NRXN1: variants seen among roughly 807,000 people sequenced by gnomAD.
The protein encoded by NRXN1 is neurexin 1.
Under a neutral mutation model 150.9 loss-of-function variants are expected in NRXN1, and 39 were observed. That is an observed-to-expected ratio of 0.26 (90% CI 0.20 to 0.34). The LOEUF (loss-of-function observed/expected upper bound fraction) is 0.34, where lower values mean the gene tolerates loss of function less well. Among genes scored for constraint, NRXN1 ranks in the 10% least tolerant of loss-of-function variants. The pLI, the probability that NRXN1 is intolerant of heterozygous loss-of-function variation, is 1.00. For missense variants in NRXN1, 1,815 were observed against 1,949.9 expected, an observed-to-expected ratio of 0.93 and a Z score of 1.30; for synonymous variants, 924 against 757.0, an observed-to-expected ratio of 1.22 and a Z score of -3.62.
chr2:50,344,154 T>C (rs935456437), intron 17 of NRXN1, among the ~76,000 whole-genome samples: 1 of 152,184 alleles, frequency 6.6e-6, no homozygotes, highest in Non-Finnish European at 1.5e-5. Context: ...ATTAGGTTTC[T>C]CTTTAAGCCA....
chr2:50,078,896 A>G (rs1241108310), intron 19 of NRXN1, among the ~76,000 whole-genome samples: 1 of 152,104 alleles, frequency 6.6e-6, no homozygotes, highest in African/African-American at 2.4e-5. Context: ...TTTTTAGACT[A>G]CATAAATTAC....
chr2:50,696,175 C>CGT (rs200473527), intron 5 of NRXN1: 4,463 of 146,456 alleles, frequency 0.03, 165 homozygotes, highest in African/African-American at 0.091. Flanking sequence ...AGTACATATA[C>CGT]GTGTGTGTGT....
chr2:50,767,723 T>C (rs1405144011), intron 5 of NRXN1, among the ~76,000 whole-genome samples: 1 of 152,130 alleles, frequency 6.6e-6, no homozygotes, highest in Non-Finnish European at 1.5e-5. Context: ...TTTCCACATG[T>C]TGAGTTTGTT....
At chr2:50,542,347 G>T in intron 9 of NRXN1, among the ~76,000 whole-genome samples, 1 of 151,968 alleles carries the variant, frequency 6.6e-6, no homozygotes, top group Admixed American at 6.6e-5. Flanking sequence ...GAAAGAAAAA[G>T]GGATATAATC....
chr2:50,155,561 G>C (rs1404367942), intron 18 of NRXN1, among the ~76,000 whole-genome samples: 2 of 151,522 alleles, frequency 1.3e-5, no homozygotes, highest in African/African-American at 4.8e-5. Context: ...AATTTGGTAA[G>C]ATCCTTCTCT....
chr2:50,570,801 A>G (rs1670556067), intron 8 of NRXN1, among the ~76,000 whole-genome samples: 1 of 152,184 alleles, frequency 6.6e-6, no homozygotes, highest in South Asian at 2.1e-4. Flanking sequence ...TAAAGACTCA[A>G]AGTGCTGCTA....
In NRXN1 at chr2:51,027,704, G is replaced by A. The variant is rs564945882; in HGVS notation, c.570C>T (p.Asn190=). 9.3e-6 allele frequency: 15 copies of A among 1,608,098 alleles called. No individual in the cohort carries two copies. Among genetic ancestry groups the A allele is most frequent in the African/African-American group, 2.7e-5 (2 of 74,872 alleles). Residue 190 remains asparagine (N), a synonymous_variant, in exon 2 of 23, where the codon AAC becomes AAT. Transcript: ENST00000401669. ...FKGWIRDVRV[N]SSQVLPVDSG... ...TGTCCACGGGCAGGACCTGCGAGGA[G>A]TTGACCCTCACGTCACGAATCCACC...
chr2:50,127,716 T>C (rs1043220289), intron 18 of NRXN1, among the ~76,000 whole-genome samples: 4 of 152,178 alleles, frequency 2.6e-5, no homozygotes, highest in African/African-American at 7.2e-5. Flanking sequence ...TGATGACGTA[T>C]ATAAAATATG....
intron 17 of NRXN1, among the ~76,000 whole-genome samples, chr2:50,290,621 G>A (rs970664667): frequency 2.6e-5 from 4 of 152,158 alleles, no homozygotes; most frequent in African/African-American, 9.7e-5. Flanking sequence ...TCTCCATGAA[G>A]GAGGCCAAGC....
intron 21 of NRXN1, among the ~76,000 whole-genome samples, chr2:50,011,907 G>A (rs569062074): frequency 2.0e-5 from 3 of 151,936 alleles, no homozygotes; most frequent in Non-Finnish European, 4.4e-5. Flanking sequence ...AATATTCTTA[G>A]TCATGATTAC....
At chr2:50,572,100 C>G (rs569164293) in intron 8 of NRXN1, among the ~76,000 whole-genome samples, 18 of 152,238 alleles carry the variant, frequency 1.2e-4, no homozygotes, top group Admixed American at 2.0e-4. Context: ...CAGGTGGACC[C>G]AGAGAAAACA....
intron 17 of NRXN1, among the ~76,000 whole-genome samples, chr2:50,401,251 A>G (rs2082372321): frequency 1.3e-5 from 2 of 152,160 alleles, no homozygotes; most frequent in Admixed American, 6.6e-5. Context: ...TAAAATCTAT[A>G]CCTTAAGATG....
chr2:50,899,875 A>G (rs574687153), intron 5 of NRXN1, among the ~76,000 whole-genome samples: 1 of 152,310 alleles, frequency 6.6e-6, no homozygotes, highest in Admixed American at 6.5e-5. Context: ...CATCAAACTA[A>G]TTAGAAAGAA....
intron 5 of NRXN1, among the ~76,000 whole-genome samples, chr2:50,764,457 C>T (rs1702164683): frequency 6.6e-6 from 1 of 151,988 alleles, no homozygotes. Context: ...GCTCTGGCTA[C>T]AGGGAAGGTG....
intron 5 of NRXN1, among the ~76,000 whole-genome samples, chr2:50,679,476 T>C (rs1258986257): frequency 6.6e-6 from 1 of 152,022 alleles, no homozygotes; most frequent in African/African-American, 2.4e-5. Flanking sequence ...GATTTTAGTG[T>C]GGTTTCATTG....
At chr2:50,278,276 T>TATATATATATA (rs2070886338) in intron 17 of NRXN1, among the ~76,000 whole-genome samples, 1 of 61,014 alleles carries the variant, frequency 1.6e-5, no homozygotes, top group African/African-American at 6.3e-5. Flanking sequence ...ATATATGTAT[T>TATATATATATA]ATATATATAA....
intron 5 of NRXN1, among the ~76,000 whole-genome samples, chr2:50,653,114 C>T (rs1378479542): frequency 6.6e-6 from 1 of 152,026 alleles, no homozygotes; most frequent in African/African-American, 2.4e-5. Context: ...TTAATGAATG[C>T]TGCTCATGGC....
chr2:50,940,875 C>A (rs1445815597), intron 2 of NRXN1, among the ~76,000 whole-genome samples: 1 of 151,984 alleles, frequency 6.6e-6, no homozygotes, highest in Non-Finnish European at 1.5e-5. Context: ...TTGCAAATTA[C>A]AAAAAAGAAA....
intron 7 of NRXN1, 75 bp downstream of exon 7, chr2:50,621,151 A>G: frequency 7.4e-7 from 1 of 1,344,612 alleles, no homozygotes; most frequent in Non-Finnish European, 1.0e-6. Context: ...GTTAAAAGAA[A>G]GAAAGAAAAC....
Sources: allele counts gnomAD v4.1 joint callset (sites outside exome capture counted in the v4.1 genomes callset), GRCh38; gene constraint gnomAD v4.1.1; transcripts MANE v1.5; gene names NCBI Gene and HGNC (gene_info 2026-07-23, HGNC 2026-07-21).